CDH13: variants seen among roughly 807,000 people sequenced by gnomAD.
The protein encoded by CDH13 is cadherin 13, also known as cadherin-13.
Under a neutral mutation model 63.8 loss-of-function variants are expected in CDH13, and 24 were observed. The ratio of observed to expected loss-of-function variants is 0.38; its 90% CI spans 0.27 to 0.53. The LOEUF (loss-of-function observed/expected upper bound fraction) is 0.53. Among genes scored for constraint, CDH13 ranks in the 20% least tolerant of loss-of-function variants. The pLI is 0.85. For synonymous variants in CDH13, 503 were observed against 355.3 expected (o/e 1.42, Z -4.67); for missense variants, 1,049 against 903.1 (o/e 1.16, Z -2.07).
chr16:83,253,017 G>C lies in CDH13; in HGVS notation c.636+35520G>C, dbSNP rs149920118. On this transcript the variant is annotated intron_variant, in intron 5 of 13. Transcript: ENST00000567109. ...TTTTATAGGGTACTAAGAGAATTGAGGTATTGCGTGCCAAACCCTTAGCAC... is the reference window on the plus strand; with the variant it reads ...TTTTATAGGGTACTAAGAGAATTGACGTATTGCGTGCCAAACCCTTAGCAC... Among the ~76,000 whole-genome samples the C allele has an allele frequency of 4.1e-3, 617 of 152,178 alleles. 3 individuals are homozygous for C. Among genetic ancestry groups the C allele is most frequent in the African/African-American group, 0.014 (590 of 41,510 alleles).
At chr16:83,306,504 C>A (rs2089882632) in intron 5 of CDH13, among the ~76,000 whole-genome samples, 1 of 152,140 alleles carries the variant, frequency 6.6e-6, no homozygotes, top group African/African-American at 2.4e-5. Context: ...TGGCATGTGC[C>A]CACTTCCCCT....
intron 1 of CDH13, among the ~76,000 whole-genome samples, chr16:82,646,781 G>C (rs1597210268): frequency 6.6e-6 from 1 of 152,284 alleles, no homozygotes; most frequent in East Asian, 1.9e-4. Context: ...TAATGATCAA[G>C]ATGATAGAGG....
chr16:83,723,254 C>CT (rs1909930627), intron 10 of CDH13, among the ~76,000 whole-genome samples: 1 of 152,212 alleles, frequency 6.6e-6, no homozygotes, highest in Non-Finnish European at 1.5e-5. Flanking sequence ...ACGACTTCAT[C>CT]TTTTCACCCA....
intron 7 of CDH13, among the ~76,000 whole-genome samples, chr16:83,529,546 T>C (rs892504521): frequency 3.9e-5 from 6 of 152,168 alleles, no homozygotes; most frequent in Non-Finnish European, 1.5e-5. Flanking sequence ...GTACACAGCT[T>C]ACATAAAGAA....
At chr16:82,853,298 T>C (rs985005333) in intron 1 of CDH13, among the ~76,000 whole-genome samples, 37 of 152,324 alleles carry the variant, frequency 2.4e-4, no homozygotes, top group African/African-American at 7.9e-4. Context: ...GTCTATTCAC[T>C]GAACAGTTTT....
intron 7 of CDH13, among the ~76,000 whole-genome samples, chr16:83,571,421 G>A (rs1244759782): frequency 6.6e-6 from 1 of 152,038 alleles, no homozygotes; most frequent in Non-Finnish European, 1.5e-5. Flanking sequence ...AAAAAAAACT[G>A]GCCCTTAAAG....
At chr16:83,627,856 C>T (rs1910453915) in intron 8 of CDH13, among the ~76,000 whole-genome samples, 1 of 152,206 alleles carries the variant, frequency 6.6e-6, no homozygotes, top group Admixed American at 6.5e-5. Context: ...AGAGCAGCCC[C>T]AAGGGCCAAA....
At chr16:83,060,091 G>T (rs1456465473) in intron 3 of CDH13, among the ~76,000 whole-genome samples, 1 of 152,022 alleles carries the variant, frequency 6.6e-6, no homozygotes, top group Non-Finnish European at 1.5e-5. Context: ...ACCGCACCCG[G>T]CCTACTTTTA....
At chr16:82,690,738 T>C (rs141002875) in intron 1 of CDH13, among the ~76,000 whole-genome samples, 2 of 152,354 alleles carry the variant, frequency 1.3e-5, no homozygotes, top group East Asian at 1.9e-4. Context: ...GTAGATATCC[T>C]TATGCATGTG....
At chr16:82,801,282 C>G (rs1250352379) in intron 1 of CDH13, among the ~76,000 whole-genome samples, 1 of 152,188 alleles carries the variant, frequency 6.6e-6, no homozygotes, top group South Asian at 2.1e-4. Context: ...TTTCTGTTAA[C>G]CTGGCTGGTG....
At chr16:83,182,806 A>T (rs1320240414) in intron 4 of CDH13, among the ~76,000 whole-genome samples, 1 of 152,200 alleles carries the variant, frequency 6.6e-6, no homozygotes, top group Non-Finnish European at 1.5e-5. Context: ...AAGTAAAATG[A>T]GACTGATTTC....
chr16:82,923,004 G>A (rs2042202611), intron 2 of CDH13, among the ~76,000 whole-genome samples: 1 of 152,188 alleles, frequency 6.6e-6, no homozygotes, highest in African/African-American at 2.4e-5. Context: ...TCTTAAGTGT[G>A]CAATAGCATC....
At chr16:83,779,927 A>T in intron 11 of CDH13, 41 bp from the exon 12 acceptor site, 1 of 1,375,226 alleles carries the variant, frequency 7.3e-7, no homozygotes, top group Non-Finnish European at 1.0e-6. Flanking sequence ...TTGCTCTCGC[A>T]TATACCAGTT....
chr16:82,970,044 C>T (rs574245597), intron 2 of CDH13, among the ~76,000 whole-genome samples: 5 of 151,974 alleles, frequency 3.3e-5, no homozygotes, highest in African/African-American at 4.8e-5. Context: ...TCTGTCAATC[C>T]GTCATCTACA....
chr16:83,004,700 T>C (rs57625516), intron 2 of CDH13, among the ~76,000 whole-genome samples: 64,581 of 151,878 alleles, frequency 0.43, 14,010 homozygotes, highest in Non-Finnish European at 0.47. Context: ...TCTGTGTTAG[T>C]CAGGCTGGCC....
At chr16:82,717,866 T>TG (rs5818401) in intron 1 of CDH13, among the ~76,000 whole-genome samples, 3 of 151,986 alleles carry the variant, frequency 2.0e-5, no homozygotes, top group Admixed American at 1.3e-4. Flanking sequence ...CATCAGTTAG[T>TG]GGGGGGGAAG....
chr16:82,917,985 A>G (rs1028533951), intron 2 of CDH13, among the ~76,000 whole-genome samples: 4 of 151,886 alleles, frequency 2.6e-5, no homozygotes, highest in Admixed American at 1.3e-4. Flanking sequence ...ATGACCCATC[A>G]CAAGTGTATG....
rs1217202538 is a variant in CDH13, at chr16:82,892,130, C to G, written c.157+33657C>G. ...TGAGCTCATAGCCTTGGGCAAATTACTTAACCTGTTGGTGTTCAGTTTCCT... is the reference window on the plus strand; with the variant it reads ...TGAGCTCATAGCCTTGGGCAAATTAGTTAACCTGTTGGTGTTCAGTTTCCT... On this transcript the variant is annotated intron_variant, in intron 2 of 13. Transcript: ENST00000567109. 2.6e-5 allele frequency among the ~76,000 whole-genome samples: 4 copies of G among 152,130 alleles called. No homozygotes were observed. The East Asian group carries it at 7.7e-4, about 29-fold the overall frequency.
intron 7 of CDH13, among the ~76,000 whole-genome samples, chr16:83,569,757 G>A (rs1282216145): frequency 2.0e-5 from 3 of 152,076 alleles, no homozygotes; most frequent in African/African-American, 7.2e-5. Context: ...TTTTGTTTGA[G>A]ATGGAGTCTC....
Sources: allele counts gnomAD v4.1 joint callset (sites outside exome capture counted in the v4.1 genomes callset), GRCh38; gene constraint gnomAD v4.1.1; transcripts MANE v1.5; gene names NCBI Gene and HGNC (gene_info 2026-07-23, HGNC 2026-07-21).